Variants in CDH4 observed in about 807,000 individuals in gnomAD.
CDH4 encodes cadherin-4.
In CDH4, 33 loss-of-function variants were observed where a neutral mutation model predicts 86.0. That is an observed-to-expected ratio of 0.38 (90% confidence interval 0.29 to 0.51). The LOEUF (loss-of-function observed/expected upper bound fraction) is 0.51. CDH4 is among the 20% of genes least tolerant of loss of function. The pLI is 0.86. For synonymous variants in CDH4, 555 were observed against 549.4 expected, an observed-to-expected ratio of 1.01 and a Z score of -0.14; for missense variants, 1,114 against 1,307.4, an observed-to-expected ratio of 0.85 and a Z score of 2.28.
At chr20:61,695,612 G>C (rs1367973473) in intron 2 of CDH4, among the ~76,000 whole-genome samples, 5 of 152,192 alleles carry the variant, frequency 3.3e-5, no homozygotes, top group African/African-American at 1.2e-4. Flanking sequence ...GTGCTTTTGT[G>C]CTGGGGACAA....
At chr20:61,838,221 G>T (rs1256844125) in intron 4 of CDH4, among the ~76,000 whole-genome samples, 3 of 152,038 alleles carry the variant, frequency 2.0e-5, no homozygotes, top group East Asian at 1.9e-4. Context: ...GTCCAGGAAC[G>T]GTTGGGCCCT....
intron 2 of CDH4, among the ~76,000 whole-genome samples, chr20:61,706,032 C>G (rs1457055152): frequency 6.6e-6 from 1 of 152,206 alleles, no homozygotes; most frequent in East Asian, 1.9e-4. Flanking sequence ...TCTGAAAGCC[C>G]TGTTCTTCCC....
chr20:61,441,685 T>C (rs1393944737), intron 2 of CDH4, among the ~76,000 whole-genome samples: 3 of 152,156 alleles, frequency 2.0e-5, no homozygotes, highest in Non-Finnish European at 4.4e-5. Context: ...ACATAGAAAG[T>C]ACCATTTAGG....
chr20:61,323,777 TCACCTTTAGTA>T (rs920818197), intron 2 of CDH4, among the ~76,000 whole-genome samples: 4 of 152,166 alleles, frequency 2.6e-5, no homozygotes, highest in Admixed American at 1.3e-4. Flanking sequence ...CATCTTGCCG[TCACCTTTAGTA>T]CATGCAAAAT....
chr20:61,857,993 GTC>G (rs1983105961), intron 6 of CDH4, among the ~76,000 whole-genome samples: 2 of 151,630 alleles, frequency 1.3e-5, no homozygotes, highest in Admixed American at 6.6e-5. Flanking sequence ...GAGTGTGTGT[GTC>G]TCTGTGTGTC....
chr20:61,536,782 A>G (rs1252997844), intron 2 of CDH4, among the ~76,000 whole-genome samples: 3 of 152,174 alleles, frequency 2.0e-5, no homozygotes, highest in Admixed American at 6.5e-5. Flanking sequence ...TCTGGTGGGT[A>G]TAGTTTGGGG....
intron 2 of CDH4, among the ~76,000 whole-genome samples, chr20:61,322,963 A>G (rs1267874597): frequency 1.3e-5 from 2 of 152,150 alleles, no homozygotes; most frequent in African/African-American, 2.4e-5. Context: ...AGATAGGAAC[A>G]CTGAGCTCTA....
At chr20:61,291,097 C>A (rs2084318217) in intron 2 of CDH4, among the ~76,000 whole-genome samples, 1 of 152,176 alleles carries the variant, frequency 6.6e-6, no homozygotes, top group African/African-American at 2.4e-5. Flanking sequence ...GCTTTCCTGC[C>A]TGCACCTTGG....
intron 2 of CDH4, among the ~76,000 whole-genome samples, chr20:61,565,287 TGA>T (rs2086277697): frequency 5.8e-5 from 1 of 17,360 alleles, no homozygotes; most frequent in African/African-American, 5.5e-4. Flanking sequence ...GGTGATGGGG[TGA>T]TGGTGGTGGC....
In CDH4 at chr20:61,910,473, A is replaced by G; in HGVS notation, c.1240A>G (p.Thr414Ala). 1.2e-6 allele frequency: 2 copies of G among 1,613,914 alleles called. No homozygotes were observed. Among genetic ancestry groups the G allele is most frequent in the Non-Finnish European group, 1.7e-6 (2 of 1,180,018 alleles). ...CGTGGAGACCGTGGTCGCAAACCTC[A>G]CGGTGATGGACCGAGATCAGCCCCA... ...NRVETVVANLTVMDRDQPHSP... is the reference protein window; with the variant it reads ...NRVETVVANLAVMDRDQPHSP... Residue 414 changes from threonine (T) to alanine (A), a missense_variant, in exon 9 of 16, where the codon ACG becomes GCG. This residue lies in a region of CDH4 where 705 missense variants were observed against 914.1 expected (regional missense o/e 0.77). Transcript: ENST00000614565.
chr20:61,516,185 C>T lies in CDH4; in HGVS notation c.170-227378C>T, dbSNP rs2145619901. 6.6e-6 allele frequency among the ~76,000 whole-genome samples: 1 copy of T among 152,292 alleles called. No homozygotes were observed. The highest frequency in any genetic ancestry group is 2.1e-4 in the South Asian group (1 of 4,824). ...CGTGGGCCGGAGGGGACGCTGGCCA[C>T]CTCTCTTACCCTAGAAGCTGCGGCA... On this transcript the variant is annotated intron_variant, in intron 2 of 15. Transcript: ENST00000614565. The surrounding 1 kb of genome is among the most constrained non-coding windows in gnomAD (Gnocchi z 4.0).
At chr20:61,307,106 T>C (rs1477068516) in intron 2 of CDH4, among the ~76,000 whole-genome samples, 1 of 104,438 alleles carries the variant, frequency 9.6e-6, no homozygotes, top group Non-Finnish European at 2.3e-5. Context: ...CAGAGGGAGA[T>C]AGCAGCTGCT....
chr20:61,597,162 CAG>C (rs2086562503), intron 2 of CDH4, among the ~76,000 whole-genome samples: 1 of 152,182 alleles, frequency 6.6e-6, no homozygotes, highest in African/African-American at 2.4e-5. Context: ...ACATTCATAA[CAG>C]AAGGAAACAT....
intron 2 of CDH4, among the ~76,000 whole-genome samples, chr20:61,595,402 C>G (rs1429707330): frequency 3.3e-5 from 5 of 152,248 alleles, no homozygotes; most frequent in Non-Finnish European, 7.3e-5. Flanking sequence ...GCCTTCCTGA[C>G]AGCCTAATGA....
At chr20:61,733,360 C>G (rs62200765) in intron 2 of CDH4, among the ~76,000 whole-genome samples, 1 of 152,146 alleles carries the variant, frequency 6.6e-6, no homozygotes, top group Non-Finnish European at 1.5e-5. Flanking sequence ...GCCGCCGCTC[C>G]CAGTGGTTCT....
At chr20:61,845,753 T>C (rs182131282) in intron 5 of CDH4, among the ~76,000 whole-genome samples, 3 of 152,354 alleles carry the variant, frequency 2.0e-5, no homozygotes, top group African/African-American at 2.4e-5. Context: ...GGCCGTGTGC[T>C]TCTCCGTGGT....
At chr20:61,376,581 G>C (rs1027489269) in intron 2 of CDH4, among the ~76,000 whole-genome samples, 1 of 152,190 alleles carries the variant, frequency 6.6e-6, no homozygotes, top group Non-Finnish European at 1.5e-5. Flanking sequence ...CTTACTCCAG[G>C]CGGAGTTCAG....
At chr20:61,702,844 T>C (rs144466684) in intron 2 of CDH4, among the ~76,000 whole-genome samples, 1,592 of 152,314 alleles carry the variant, frequency 0.01, 23 homozygotes, top group African/African-American at 0.036. Flanking sequence ...TTGATTGAAA[T>C]TTAGAGTTCT....
At chr20:61,798,762 C>T (rs1026379621) in intron 4 of CDH4, among the ~76,000 whole-genome samples, 20 of 152,240 alleles carry the variant, frequency 1.3e-4, no homozygotes, top group Non-Finnish European at 1.8e-4. Flanking sequence ...AGGAGTCCTC[C>T]GCAGCAGCCC....
Sources: allele counts gnomAD v4.1 joint callset (sites outside exome capture counted in the v4.1 genomes callset), GRCh38; gene constraint gnomAD v4.1.1; regional missense constraint gnomAD v4.1.1; non-coding constraint Gnocchi (gnomAD v3.1); transcripts MANE v1.5; gene names NCBI Gene and HGNC (gene_info 2026-07-23, HGNC 2026-07-21).